The following L3MBTL4 variants were observed in gnomAD, a reference collection of about 807,000 sequenced individuals.
L3MBTL4 encodes the protein L3MBTL histone methyl-lysine binding protein 4.
In L3MBTL4, 70 loss-of-function variants were observed where a neutral mutation model predicts 84.5. The observed-to-expected ratio is 0.83, with a 90% CI of 0.68 to 1.01. The LOEUF (loss-of-function observed/expected upper bound fraction) is 1.01. Among genes scored for constraint, L3MBTL4 ranks in the 50% least tolerant of loss-of-function variants. The probability of loss-of-function intolerance (pLI) is 0.00; values close to 1 mark genes in which losing one functional copy is unlikely to be tolerated. For synonymous variants in L3MBTL4, 274 were observed against 259.8 expected (o/e 1.05, Z -0.52); for missense variants, 715 against 754.8 (o/e 0.95, Z 0.62).
intron 16 of L3MBTL4, among the ~76,000 whole-genome samples, chr18:5,971,209 T>C (rs575728663): frequency 6.6e-6 from 1 of 152,360 alleles, no homozygotes; most frequent in South Asian, 2.1e-4. Flanking sequence ...AATGAAGTTG[T>C]CAGGCTGGAC....
At chr18:6,239,930 T>A in intron 8 of L3MBTL4, 58 bp from the exon 9 acceptor site, 2 of 1,582,572 alleles carry the variant, frequency 1.3e-6, no homozygotes, top group Non-Finnish European at 1.7e-6. Context: ...CAAATAGGAC[T>A]GAGCCACTGT....
At chr18:6,255,872 A>G (rs2048118081) in intron 5 of L3MBTL4, among the ~76,000 whole-genome samples, 1 of 152,204 alleles carries the variant, frequency 6.6e-6, no homozygotes, top group African/African-American at 2.4e-5. Flanking sequence ...TTCCAAGCAT[A>G]TCAGAATGCA....
At chr18:6,264,283 C>T (rs915217502) in intron 4 of L3MBTL4, among the ~76,000 whole-genome samples, 1 of 152,144 alleles carries the variant, frequency 6.6e-6, no homozygotes, top group Non-Finnish European at 1.5e-5. Context: ...CTAGAAAATG[C>T]CTAGTGAACT....
At chr18:6,397,544 A>G (rs1342163924) in intron 1 of L3MBTL4, 23 of 152,180 alleles carry the variant, frequency 1.5e-4, no homozygotes. Context: ...AAATCATTAT[A>G]AAATCTATAT....
At position 5,996,423 on chromosome 18, in the gene L3MBTL4, CGTTTTT is replaced by C. The variant is rs897242508; in HGVS notation, c.1445-26867_1445-26862del. Among the ~76,000 whole-genome samples, 11 of 152,252 alleles carry C rather than the reference CGTTTTT, an allele frequency of 7.2e-5. No homozygotes were observed. In the East Asian group the frequency reaches 1.7e-3, roughly 24 times the overall value. On this transcript the variant is annotated intron_variant, in intron 16 of 18. Transcript: ENST00000317931. Reference sequence around the variant, plus strand: ...AATGGAGCGCTGGCAGTGAGCTGTACGTTTTTGTTTTTGTTTTTGTTTTCCAAACAA... The same window carrying C: ...AATGGAGCGCTGGCAGTGAGCTGTACGTTTTTGTTTTTGTTTTCCAAACAA...
chr18:6,393,566 C>T (rs2055147066), intron 1 of L3MBTL4, among the ~76,000 whole-genome samples: 1 of 152,226 alleles, frequency 6.6e-6, no homozygotes, highest in Admixed American at 6.5e-5. Context: ...CTATCTCCAT[C>T]TCAGGCGGCA....
At chr18:6,052,919 T>C (rs1396898722) in intron 16 of L3MBTL4, among the ~76,000 whole-genome samples, 3 of 152,216 alleles carry the variant, frequency 2.0e-5, no homozygotes, top group Non-Finnish European at 4.4e-5. Context: ...CAGTGCACAC[T>C]TGTTGGCAAG....
chr18:6,118,762 T>C (rs2059435077), intron 14 of L3MBTL4, among the ~76,000 whole-genome samples: 2 of 152,210 alleles, frequency 1.3e-5, no homozygotes, highest in Non-Finnish European at 2.9e-5. Context: ...CATAAAAATT[T>C]CATTAACTAC....
At chr18:6,053,418 A>G (rs1262468333) in intron 16 of L3MBTL4, among the ~76,000 whole-genome samples, 2 of 152,166 alleles carry the variant, frequency 1.3e-5, no homozygotes, top group African/African-American at 4.8e-5. Context: ...AACGAAATGG[A>G]TACAGGAGGC....
chr18:6,400,565 A>G lies in L3MBTL4; in HGVS notation c.-91+14236T>C, dbSNP rs566358272. Among the ~76,000 whole-genome samples, 4 of 152,218 alleles carry G rather than the reference A, an allele frequency of 2.6e-5. No individual in the cohort carries two copies. The South Asian group carries it at 8.3e-4, about 32-fold the overall frequency. On this transcript the variant is annotated intron_variant, in intron 1 of 18. Transcript: ENST00000317931. Reference sequence around the variant, plus strand: ...GCTGGGACTACAGGCGCATGCCACCATGCCTGGTTAATTTTTTCGTATTTT... The same window carrying G: ...GCTGGGACTACAGGCGCATGCCACCGTGCCTGGTTAATTTTTTCGTATTTT...
chr18:6,391,009 C>T (rs1481320923), intron 1 of L3MBTL4, among the ~76,000 whole-genome samples: 1 of 151,920 alleles, frequency 6.6e-6, no homozygotes, highest in Non-Finnish European at 1.5e-5. Context: ...GATACCACAA[C>T]CAGGAAAGGA....
chr18:6,247,466 A>ATTT lies in L3MBTL4; in HGVS notation c.220-2881_220-2879dup, dbSNP rs71163266. 9.1e-3 allele frequency among the ~76,000 whole-genome samples: 452 copies of ATTT among 49,642 alleles called. 122 individuals are homozygous for ATTT. Among genetic ancestry groups the ATTT allele is most frequent in the African/African-American group, 0.038 (367 of 9,674 alleles). 32.6% of individuals were successfully genotyped at this position (49,642 alleles called of 152,430 possible). A position where few individuals can be genotyped will look rare whatever the true frequency, so the allele number is the denominator to read the frequency against. On this transcript the variant is annotated intron_variant, in intron 5 of 18. Transcript: ENST00000317931. Reference sequence around the variant, plus strand: ...AGAATGCAGACTTCCCCCTCCTCTGATTTTTTTTTTTTTTTTTTTTTTTTT... The same window carrying ATTT: ...AGAATGCAGACTTCCCCCTCCTCTGATTTTTTTTTTTTTTTTTTTTTTTTTTTT...
intron 4 of L3MBTL4, among the ~76,000 whole-genome samples, chr18:6,295,346 C>CTCTCTCTCTCTCTCTATATATATA (rs1261475809): frequency 3.7e-5 from 3 of 81,386 alleles, no homozygotes; most frequent in African/African-American, 2.0e-4. Context: ...CTCTCTCTCT[C>CTCTCTCTCTCTCTCTATATATATA]TATATATATA....
chr18:6,096,638 T>G (rs2058653655), intron 14 of L3MBTL4, among the ~76,000 whole-genome samples: 1 of 152,214 alleles, frequency 6.6e-6, no homozygotes, highest in East Asian at 1.9e-4. Flanking sequence ...AAGAGATGCA[T>G]GATTCTGTAT....
At chr18:6,240,941 A>G (rs1322259129) in intron 8 of L3MBTL4, among the ~76,000 whole-genome samples, 3 of 152,228 alleles carry the variant, frequency 2.0e-5, no homozygotes, top group Non-Finnish European at 4.4e-5. Flanking sequence ...CACCCCTTCA[A>G]TTAGTACAAA....
At chr18:6,323,552 C>T (rs2051541326) in intron 1 of L3MBTL4, among the ~76,000 whole-genome samples, 1 of 152,150 alleles carries the variant, frequency 6.6e-6, no homozygotes, top group Non-Finnish European at 1.5e-5. Context: ...GTGACCTTGC[C>T]TTAAGGATCT....
chr18:6,072,865 C>CAAAAAA (rs71370542), intron 16 of L3MBTL4, among the ~76,000 whole-genome samples: 2 of 3,066 alleles, frequency 6.5e-4, no homozygotes, highest in African/African-American at 5.0e-3. Context: ...GACTCCGTCT[C>CAAAAAA]AAAAAAAAAA....
intron 17 of L3MBTL4, among the ~76,000 whole-genome samples, chr18:5,967,039 A>AT (rs2052386642): frequency 6.6e-6 from 1 of 152,086 alleles, no homozygotes; most frequent in South Asian, 2.1e-4. Context: ...TTCTCGTCTT[A>AT]TTCTCTACAG....
intron 12 of L3MBTL4, among the ~76,000 whole-genome samples, chr18:6,183,555 A>T (rs2044581653): frequency 6.6e-6 from 1 of 152,164 alleles, no homozygotes; most frequent in Non-Finnish European, 1.5e-5. Flanking sequence ...TCCACCTTGG[A>T]TCCTATAGCA....
Sources: allele counts gnomAD v4.1 joint callset (sites outside exome capture counted in the v4.1 genomes callset), GRCh38; gene constraint gnomAD v4.1.1; transcripts MANE v1.5; gene names NCBI Gene and HGNC (gene_info 2026-07-23, HGNC 2026-07-21).